The following KAZN variants were observed in gnomAD, a reference collection of about 807,000 sequenced individuals.
KAZN encodes the protein kazrin, periplakin interacting protein, also known as kazrin.
Under a neutral mutation model 87.4 loss-of-function variants are expected in KAZN, and 40 were observed. The observed-to-expected ratio is 0.46, with a 90% confidence interval of 0.36 to 0.60. KAZN has a LOEUF of 0.60. Among genes scored for constraint, KAZN ranks in the 20% least tolerant of loss-of-function variants. The pLI is 0.00. For missense variants in KAZN, 898 were observed against 1,073.9 expected (o/e 0.84, Z 2.29); for synonymous variants, 466 against 458.3 (o/e 1.02, Z -0.22).
chr1:14,466,674 AAG>A (rs59457503), intron 2 of KAZN, among the ~76,000 whole-genome samples: 36,704 of 145,430 alleles, frequency 0.25, 4,900 homozygotes, highest in South Asian at 0.38. Flanking sequence ...AAAAAAAAAA[AAG>A]AAGAAGAAAC....
At chr1:14,864,990 C>T (rs1252035339) in intron 1 of KAZN, among the ~76,000 whole-genome samples, 1 of 152,200 alleles carries the variant, frequency 6.6e-6, no homozygotes, top group African/African-American at 2.4e-5. Flanking sequence ...ATGCTAGACC[C>T]ACCAAAACAT....
chr1:14,934,234 A>T (rs1660184997), intron 1 of KAZN, among the ~76,000 whole-genome samples: 1 of 141,862 alleles, frequency 7.0e-6, no homozygotes, highest in Non-Finnish European at 1.5e-5. Flanking sequence ...TTTGAGATGG[A>T]GTCTCGCTCT....
chr1:14,203,709 G>C (rs606163), intron 2 of KAZN, among the ~76,000 whole-genome samples: 1 of 152,024 alleles, frequency 6.6e-6, no homozygotes, highest in Non-Finnish European at 1.5e-5. Flanking sequence ...CTCAATGTGC[G>C]CTAAAGTAAT....
chr1:15,109,845 ATGTT>A (rs1436396209), intron 13 of KAZN, among the ~76,000 whole-genome samples: 10 of 146,912 alleles, frequency 6.8e-5, no homozygotes, highest in African/African-American at 1.5e-4. Context: ...GTGTTTGTGT[ATGTT>A]TATGTGCGTG....
intron 1 of KAZN, among the ~76,000 whole-genome samples, chr1:14,772,357 A>C (rs1312363442): frequency 6.6e-6 from 1 of 151,912 alleles, no homozygotes; most frequent in Non-Finnish European, 1.5e-5. Context: ...GGTGGCATGC[A>C]CCTGTGGTCC....
At chr1:14,231,282 C>G (rs1428124877) in intron 2 of KAZN, among the ~76,000 whole-genome samples, 2 of 152,052 alleles carry the variant, frequency 1.3e-5, no homozygotes, top group African/African-American at 2.4e-5. Context: ...TCAAATGAGC[C>G]CCTGAATTGC....
intron 1 of KAZN, among the ~76,000 whole-genome samples, chr1:13,971,652 G>A (rs746416181): frequency 2.0e-5 from 3 of 151,992 alleles, no homozygotes; most frequent in Non-Finnish European, 4.4e-5. Flanking sequence ...ACAAAGCATG[G>A]TGATATGGCT....
intron 1 of KAZN, among the ~76,000 whole-genome samples, chr1:14,639,336 A>G (rs139470682): frequency 9.6e-4 from 146 of 152,330 alleles, no homozygotes; most frequent in African/African-American, 3.3e-3. Context: ...CGGGAAACGA[A>G]TTGACCAGCT....
At chr1:14,221,918 A>T (rs974982879) in intron 2 of KAZN, 3 of 152,166 alleles carry the variant, frequency 2.0e-5, no homozygotes, top group Non-Finnish European at 4.4e-5. Flanking sequence ...CATTTACTTG[A>T]TGAAAGGGAA....
At chr1:14,143,736 G>A (rs1270599923) in intron 1 of KAZN, among the ~76,000 whole-genome samples, 1 of 147,014 alleles carries the variant, frequency 6.8e-6, no homozygotes, top group Non-Finnish European at 1.5e-5. Flanking sequence ...TCTTTTTTTT[G>A]AGACAGGATC....
intron 1 of KAZN, among the ~76,000 whole-genome samples, chr1:14,734,555 C>T (rs1643832696): frequency 6.6e-6 from 1 of 152,118 alleles, no homozygotes; most frequent in Non-Finnish European, 1.5e-5. Flanking sequence ...TCAGGTGATA[C>T]ACCCGCCTTG....
intron 1 of KAZN, among the ~76,000 whole-genome samples, chr1:14,940,372 T>A (rs1660914919): frequency 6.6e-6 from 1 of 152,192 alleles, no homozygotes; most frequent in African/African-American, 2.4e-5. Flanking sequence ...CACAGTAGCA[T>A]CCACCCATTG....
chr1:15,087,298 T>C (rs977695344), intron 8 of KAZN, among the ~76,000 whole-genome samples: 6 of 151,992 alleles, frequency 3.9e-5, no homozygotes, highest in African/African-American at 1.2e-4. Context: ...ATATGATCAA[T>C]ATGTTATCAA....
At chr1:15,015,226 C>T (rs1409965019) in intron 2 of KAZN, among the ~76,000 whole-genome samples, 1 of 151,902 alleles carries the variant, frequency 6.6e-6, no homozygotes, top group East Asian at 1.9e-4. Flanking sequence ...GATCTCGGCT[C>T]ACTGCAACCT....
intron 2 of KAZN, among the ~76,000 whole-genome samples, chr1:14,329,240 C>T (rs199641105): frequency 1.4e-4 from 22 of 152,096 alleles, no homozygotes; most frequent in Non-Finnish European, 2.1e-4. Flanking sequence ...ACTAGATTAG[C>T]GGCTCCAGCA....
intron 1 of KAZN, among the ~76,000 whole-genome samples, chr1:14,826,941 G>A (rs750785704): frequency 1.3e-5 from 2 of 152,154 alleles, no homozygotes; most frequent in Non-Finnish European, 2.9e-5. Context: ...GTGTGATGTG[G>A]GGTTAGCCAA....
chr1:14,378,177 G>A (rs550513466), intron 2 of KAZN, among the ~76,000 whole-genome samples: 52 of 152,236 alleles, frequency 3.4e-4, no homozygotes, highest in Admixed American at 1.5e-3. Context: ...CACATAAGAC[G>A]TTTATGGAAT....
chr1:14,653,278 G>A (rs891740388), intron 1 of KAZN, among the ~76,000 whole-genome samples: 6 of 152,190 alleles, frequency 3.9e-5, no homozygotes, highest in African/African-American at 1.4e-4. Context: ...ACACATTGTG[G>A]GGCCTGAAAT....
At chr1:15,005,800 A>C (rs1386623200) in intron 2 of KAZN, among the ~76,000 whole-genome samples, 1 of 151,880 alleles carries the variant, frequency 6.6e-6, no homozygotes, top group Admixed American at 6.6e-5. Flanking sequence ...CCAAAAAAAA[A>C]AAAATTGTTT....
Sources: allele counts gnomAD v4.1 joint callset (sites outside exome capture counted in the v4.1 genomes callset), GRCh38; gene constraint gnomAD v4.1.1; transcripts MANE v1.5; gene names NCBI Gene and HGNC (gene_info 2026-07-23, HGNC 2026-07-21).